The following RSRC1 variants were observed in gnomAD, a reference collection of about 807,000 sequenced individuals.
The protein encoded by RSRC1 is arginine and serine rich coiled-coil 1.
A neutral mutation model predicts 49.1 loss-of-function variants in RSRC1; 39 were observed. That is an observed-to-expected ratio of 0.79 (90% CI 0.61 to 1.04). The LOEUF (loss-of-function observed/expected upper bound fraction) is 1.04. RSRC1 is among the 50% of genes least tolerant of loss of function. The probability of loss-of-function intolerance (pLI) is 0.00; values close to 1 mark genes in which losing one functional copy is unlikely to be tolerated. For synonymous variants in RSRC1, 143 were observed against 130.8 expected, an observed-to-expected ratio of 1.09 and a Z score of -0.63; for missense variants, 388 against 402.4, an observed-to-expected ratio of 0.96 and a Z score of 0.31.
At chr3:158,338,949 T>TC (rs1730069411) in intron 5 of RSRC1, among the ~76,000 whole-genome samples, 1 of 152,176 alleles carries the variant, frequency 6.6e-6, no homozygotes, top group Admixed American at 6.5e-5. Context: ...TAGCATGGGA[T>TC]CTCGAACATT....
chr3:158,402,644 G>A (rs9882274), intron 6 of RSRC1, among the ~76,000 whole-genome samples: 78,758 of 151,432 alleles, frequency 0.52, 20,907 homozygotes, highest in African/African-American at 0.61. Flanking sequence ...CTGTTGCTTA[G>A]TGTAGTCATT....
At chr3:158,525,472 C>T (rs1711955664) in intron 7 of RSRC1, among the ~76,000 whole-genome samples, 1 of 151,886 alleles carries the variant, frequency 6.6e-6, no homozygotes. Flanking sequence ...ATGGTATAAC[C>T]ACTTTGGAAA....
At chr3:158,449,860 A>G (rs572022245) in intron 6 of RSRC1, among the ~76,000 whole-genome samples, 2 of 152,034 alleles carry the variant, frequency 1.3e-5, no homozygotes, top group Admixed American at 6.6e-5. Context: ...TCCTCGGTTA[A>G]GTGTCCCTTG....
At chr3:158,334,679 G>GTGTGTGTGTGTA (rs1553788500) in intron 5 of RSRC1, among the ~76,000 whole-genome samples, 13 of 144,920 alleles carry the variant, frequency 9.0e-5, no homozygotes, top group African/African-American at 3.0e-4. Context: ...GTGTGTGTGT[G>GTGTGTGTGTGTA]TGTGTGTATG....
chr3:158,348,343 C>G lies in RSRC1; in HGVS notation c.532-6514C>G, dbSNP rs559947989. 7.2e-5 allele frequency among the ~76,000 whole-genome samples: 11 copies of G among 152,228 alleles called. 1 individual carries two copies. The highest frequency in any genetic ancestry group is 7.2e-4 in the Admixed American group (11 of 15,298). The stretch of plus-strand genomic sequence containing the variant: ...AGTTTATATAAGGATAGGCTTCTCT[C>G]TTATCATTAATATACACTCATGGGT... On this transcript the variant is annotated intron_variant, in intron 5 of 9. Coordinates refer to ENST00000611884, the MANE Select transcript of RSRC1 (RefSeq NM_001271838.2).
chr3:158,484,953 TG>T (rs1164572429), intron 7 of RSRC1, among the ~76,000 whole-genome samples: 1 of 152,116 alleles, frequency 6.6e-6, no homozygotes, highest in Non-Finnish European at 1.5e-5. Flanking sequence ...TGCTAGTTTT[TG>T]TTTGTCTATT....
intron 6 of RSRC1, among the ~76,000 whole-genome samples, chr3:158,366,382 A>G (rs1299611430): frequency 6.6e-6 from 1 of 152,138 alleles, no homozygotes; most frequent in Non-Finnish European, 1.5e-5. Flanking sequence ...CAGTTTTCCC[A>G]ACACCATTTA....
rs112076363 is a variant in RSRC1, at chr3:158,418,923, T to C, written c.584-42012T>C. Among the ~76,000 whole-genome samples the C allele has an allele frequency of 7.1e-3, 1,087 of 152,082 alleles. 15 individuals carry two copies. Among genetic ancestry groups the C allele is most frequent in the African/African-American group, 0.025 (1,054 of 41,522 alleles). On this transcript the variant is annotated intron_variant, in intron 6 of 9. Coordinates refer to ENST00000611884, the MANE Select transcript of RSRC1 (RefSeq NM_001271838.2). ...ATTAAATAAAGCATTGAGTGATACT[T>C]TTCTGTCATGAAAACTATTCAACGC...
At chr3:158,411,207 C>G (rs1734448756) in intron 6 of RSRC1, among the ~76,000 whole-genome samples, 1 of 151,936 alleles carries the variant, frequency 6.6e-6, no homozygotes, top group African/African-American at 2.4e-5. Flanking sequence ...TGTTGATGGA[C>G]TTTTGAGTTG....
At chr3:158,332,561 G>A (rs917870140) in intron 5 of RSRC1, among the ~76,000 whole-genome samples, 37 of 152,202 alleles carry the variant, frequency 2.4e-4, no homozygotes, top group African/African-American at 8.2e-4. Flanking sequence ...TTATGAAAAC[G>A]TGTGATATAA....
In RSRC1 at chr3:158,147,102, C is replaced by CTTTTTTTT. The variant is rs35460810; in HGVS notation, c.320+23131_320+23138dup. Among the ~76,000 whole-genome samples the CTTTTTTTT allele has an allele frequency of 1.3e-3, 44 of 34,722 alleles. 1 individual carries two copies. The highest frequency in any genetic ancestry group is 4.8e-3 in the African/African-American group (32 of 6,608). 22.8% of individuals were successfully genotyped at this position (34,722 alleles called of 152,430 possible). ...CCTTTTCTTTCTTCTGCTTTTCTGC[C>CTTTTTTTT]TTTTTTTTTTTTTTTTTTTTTTTTT... On this transcript the variant is annotated intron_variant, in intron 3 of 9. Coordinates refer to ENST00000611884, the MANE Select transcript of RSRC1 (RefSeq NM_001271838.2).
chr3:158,321,282 T>C (rs573557710), intron 5 of RSRC1, among the ~76,000 whole-genome samples: 6 of 150,010 alleles, frequency 4.0e-5, no homozygotes, highest in Admixed American at 4.0e-4. Flanking sequence ...CCTCTTCCTC[T>C]TCCTCCTCCT....
At chr3:158,509,724 G>T (rs1353149027) in intron 7 of RSRC1, among the ~76,000 whole-genome samples, 1 of 151,996 alleles carries the variant, frequency 6.6e-6, no homozygotes, top group Non-Finnish European at 1.5e-5. Context: ...TTCTTTTTCT[G>T]TTCAACATTA....
intron 4 of RSRC1, among the ~76,000 whole-genome samples, chr3:158,290,217 T>C (rs1726843929): frequency 6.6e-6 from 1 of 151,912 alleles, no homozygotes; most frequent in South Asian, 2.1e-4. Context: ...AATATATAAC[T>C]GAACAAAGAC....
intron 6 of RSRC1, among the ~76,000 whole-genome samples, chr3:158,455,653 G>A (rs1248741588): frequency 6.6e-6 from 1 of 152,048 alleles, no homozygotes; most frequent in Non-Finnish European, 1.5e-5. Flanking sequence ...CAGCCATGGA[G>A]GGATTCTTTT....
intron 3 of RSRC1, among the ~76,000 whole-genome samples, chr3:158,144,283 C>G (rs868322981): frequency 1.3e-5 from 2 of 152,062 alleles, no homozygotes; most frequent in Non-Finnish European, 1.5e-5. Context: ...ATCCCTCCCC[C>G]CTCCTCCCAC....
At chr3:158,114,949 C>T (rs1227850207) in intron 1 of RSRC1, among the ~76,000 whole-genome samples, 7 of 151,920 alleles carry the variant, frequency 4.6e-5, no homozygotes, top group African/African-American at 1.4e-4. Context: ...TCTGCAAAGA[C>T]GATTTGACTT....
rs145793760 is a variant in RSRC1, at chr3:158,175,589, A to G, written c.321-27483A>G. 5.3e-3 allele frequency among the ~76,000 whole-genome samples: 811 copies of G among 152,116 alleles called. 6 individuals carry two copies. Among genetic ancestry groups the G allele is most frequent in the African/African-American group, 0.019 (775 of 41,510 alleles). ...TCATTGTCCTAAATCAAGTGCCCAT[A>G]TATGGTTGGTTCATATGGATTCTCT... On this transcript the variant is annotated intron_variant, in intron 3 of 9. Transcript: ENST00000611884.
chr3:158,175,693 C>T (rs1719163326), intron 3 of RSRC1, among the ~76,000 whole-genome samples: 1 of 152,118 alleles, frequency 6.6e-6, no homozygotes, highest in African/African-American at 2.4e-5. Flanking sequence ...AATTAAGTCT[C>T]ATATAAGGGA....
Sources: gnomAD v4.1 joint callset for allele counts (sites outside exome capture counted in the v4.1 genomes callset) on GRCh38, gnomAD v4.1.1 for gene constraint, MANE v1.5 for transcripts, NCBI Gene and HGNC (gene_info 2026-07-23, HGNC 2026-07-21) for gene names.